Variants in SPECC1 observed in about 807,000 individuals in gnomAD.
SPECC1 encodes cytospin-B.
SPECC1 carries 62 observed loss-of-function variants against 104.1 expected under a neutral mutation model. The ratio of observed to expected loss-of-function variants is 0.60; its 90% CI spans 0.49 to 0.74. The LOEUF is 0.74. Among genes scored for constraint, SPECC1 ranks in the 30% least tolerant of loss-of-function variants. The probability of loss-of-function intolerance (pLI) is 0.00; values close to 1 mark genes in which losing one functional copy is unlikely to be tolerated. For synonymous variants in SPECC1, 513 were observed against 501.6 expected (o/e 1.02, Z -0.30); for missense variants, 1,306 against 1,310.5 (o/e 1.00, Z 0.05).
At chr17:20,085,966 G>A (rs2047161752) in intron 1 of SPECC1, among the ~76,000 whole-genome samples, 2 of 152,224 alleles carry the variant, frequency 1.3e-5, no homozygotes, top group Admixed American at 6.5e-5. Context: ...GCAAAGTTCT[G>A]TGTTCCCCTC....
chr17:20,141,443 A>C (rs1165491538), intron 3 of SPECC1, among the ~76,000 whole-genome samples: 2 of 152,190 alleles, frequency 1.3e-5, no homozygotes, highest in Non-Finnish European at 2.9e-5. Flanking sequence ...GGCTTCAGTC[A>C]TGCTAACTGA....
intron 8 of SPECC1, among the ~76,000 whole-genome samples, chr17:20,246,571 C>G (rs536621902): frequency 2.3e-4 from 35 of 152,330 alleles, no homozygotes; most frequent in Middle Eastern, 3.4e-3. Context: ...CACTCCTGAT[C>G]TAGGTGTGTT....
Position 20,204,714 on chromosome 17 carries a change from C to T in SPECC1, c.665C>T (p.Thr222Met), listed in dbSNP as rs142902069. 1.1e-4 allele frequency: 181 copies of T among 1,613,950 alleles called. 2 individuals carry two copies. In the East Asian group the frequency reaches 2.5e-3, roughly 22 times the overall value. The stretch of plus-strand genomic sequence containing the variant: ...GGAACATCAGTCTCCCCAGGTGACA[C>T]GGAACCTATGATAAGAGCTCTTGAG... ...VDGTSVSPGD[T>M]EPMIRALEEK... Residue 222 changes from threonine to methionine, a missense_variant, in exon 4 of 15, where the codon ACG becomes ATG. Transcript: ENST00000395527.
chr17:20,288,181 TC>T (rs746762873), intron 12 of SPECC1, among the ~76,000 whole-genome samples: 2 of 152,226 alleles, frequency 1.3e-5, no homozygotes, highest in Non-Finnish European at 2.9e-5. Flanking sequence ...TTTTCTTTAT[TC>T]AGTCTATCAC....
At chr17:20,055,479 C>T (rs556932357) in intron 1 of SPECC1, among the ~76,000 whole-genome samples, 61 of 152,258 alleles carry the variant, frequency 4.0e-4, no homozygotes, top group African/African-American at 1.4e-3. Context: ...CCAATACTTG[C>T]TGTCTTTTGA....
rs1210622675 is a variant in SPECC1, at chr17:20,257,531, C to A, written c.2761C>A (p.Pro921Thr). Reference protein sequence around the residue: ...KSPSLESLSRPPSLGFGDTRL... With the variant: ...KSPSLESLSRTPSLGFGDTRL... ...TCCCTCACTAGAGTCACTGAGCAGA[C>A]CCCCGTCTCTGGGCTTTGGGGACAC... Residue 921 changes from proline (P) to threonine (T), a missense_variant, in exon 11 of 15, where the codon CCC (proline) becomes ACC (threonine). Coordinates refer to ENST00000395527, the MANE Select transcript of SPECC1 (RefSeq NM_001243439.2). 1.9e-6 allele frequency: 3 copies of A among 1,613,532 alleles called. No homozygotes were observed. The highest frequency in any genetic ancestry group is 2.5e-6 in the Non-Finnish European group (3 of 1,179,904).
intron 2 of SPECC1, 124 bp from the exon 3 acceptor site, chr17:20,110,303 C>G (rs1033277380): frequency 4.5e-5 from 54 of 1,192,380 alleles, no homozygotes; most frequent in Non-Finnish European, 6.4e-5. Context: ...TCATGCTACT[C>G]AAAGTGCTGT....
chr17:20,255,394 A>T (rs552562030), intron 10 of SPECC1, among the ~76,000 whole-genome samples: 4 of 152,334 alleles, frequency 2.6e-5, no homozygotes, highest in East Asian at 1.9e-4. Flanking sequence ...GAATAATTTG[A>T]TGACACGCAT....
chr17:20,144,843 A>G (rs893658688), intron 3 of SPECC1, among the ~76,000 whole-genome samples: 1 of 152,208 alleles, frequency 6.6e-6, no homozygotes, highest in Non-Finnish European at 1.5e-5. Flanking sequence ...GTCACACGCT[A>G]GGAGGATGGA....
chr17:20,306,628 G>A (rs1474167876), intron 14 of SPECC1, among the ~76,000 whole-genome samples: 1 of 152,250 alleles, frequency 6.6e-6, no homozygotes, highest in Admixed American at 6.5e-5. Context: ...AAGGAAGCTG[G>A]TTTCCACCTG....
At chr17:20,017,179 A>G (rs561964694) in intron 1 of SPECC1, 2 of 152,414 alleles carry the variant, frequency 1.3e-5, no homozygotes, top group African/African-American at 4.8e-5. Context: ...GCGCTGCTGA[A>G]GGTTTGTCCT....
At chr17:20,262,023 T>C (rs1452738296) in intron 12 of SPECC1, among the ~76,000 whole-genome samples, 2 of 152,230 alleles carry the variant, frequency 1.3e-5, no homozygotes, top group African/African-American at 2.4e-5. Context: ...TATGTTAGTA[T>C]TGCTTGCATT....
chr17:20,150,416 G>C (rs2031896518), intron 3 of SPECC1, among the ~76,000 whole-genome samples: 2 of 151,782 alleles, frequency 1.3e-5, no homozygotes, highest in Middle Eastern at 3.4e-3. Flanking sequence ...GAGGCGGGCA[G>C]ATCACCTGAG....
intron 2 of SPECC1, among the ~76,000 whole-genome samples, chr17:20,106,143 T>C (rs1257328958): frequency 2.0e-5 from 3 of 152,236 alleles, no homozygotes; most frequent in Non-Finnish European, 4.4e-5. Context: ...TTTCCCTTTT[T>C]CATTTGAGAA....
At chr17:20,071,720 G>GATAACTT (rs1174792325) in intron 1 of SPECC1, among the ~76,000 whole-genome samples, 2 of 152,014 alleles carry the variant, frequency 1.3e-5, no homozygotes, top group Non-Finnish European at 2.9e-5. Flanking sequence ...TTTTTAACGT[G>GATAACTT]ATAACTTATT....
intron 12 of SPECC1, among the ~76,000 whole-genome samples, chr17:20,280,817 G>A (rs1482549000): frequency 6.6e-6 from 1 of 152,146 alleles, no homozygotes; most frequent in African/African-American, 2.4e-5. Context: ...CGGATTTTGT[G>A]GTTTGCAATC....
At chr17:20,211,028 C>G (rs1250438475) in intron 4 of SPECC1, among the ~76,000 whole-genome samples, 1 of 152,202 alleles carries the variant, frequency 6.6e-6, no homozygotes, top group Non-Finnish European at 1.5e-5. Context: ...CATGGAACTT[C>G]AGACTCATCT....
rs117656779 is a variant in SPECC1, at chr17:20,215,871, A to T, written c.1863+9959A>T. Among the ~76,000 whole-genome samples the T allele has an allele frequency of 4.0e-3, 611 of 152,292 alleles. 1 individual carries two copies. Among genetic ancestry groups the T allele is most frequent in the Middle Eastern group, 0.024 (7 of 294 alleles). ...TGTAGGAGAAGAGCTTGGTTCTTAG[A>T]TATCTCTAGCTTGATTTCCTTTCTG... On this transcript the variant is annotated intron_variant, in intron 4 of 14. Coordinates refer to ENST00000395527, the MANE Select transcript of SPECC1 (RefSeq NM_001243439.2).
intron 6 of SPECC1, 64 bp from the exon 7 acceptor site, chr17:20,232,136 G>C: frequency 6.3e-7 from 1 of 1,585,590 alleles, no homozygotes; most frequent in East Asian, 2.2e-5. Context: ...GGGACTCTGG[G>C]GTCCCTGCCC....
Sources: allele counts gnomAD v4.1 joint callset (sites outside exome capture counted in the v4.1 genomes callset), GRCh38; gene constraint gnomAD v4.1.1; transcripts MANE v1.5; gene names NCBI Gene and HGNC (gene_info 2026-07-23, HGNC 2026-07-21).